The following RND3 variants were observed in gnomAD, a reference collection of about 807,000 sequenced individuals.
The protein encoded by RND3 is rho-related GTP-binding protein RhoE.
In RND3, 8 loss-of-function variants were observed where a neutral mutation model predicts 26.5. That is an observed-to-expected ratio of 0.30 (90% confidence interval 0.18 to 0.54). The LOEUF (loss-of-function observed/expected upper bound fraction) is 0.54, where lower values mean the gene tolerates loss of function less well. RND3 is among the 20% of genes least tolerant of loss of function. The pLI is 0.94. For synonymous variants in RND3, 113 were observed against 113.0 expected (o/e 1.00, Z 0.00); for missense variants, 207 against 302.8 (o/e 0.68, Z 2.35).
intron 4 of RND3, among the ~76,000 whole-genome samples, 175 bp downstream of exon 4, chr2:150,474,700 A>G (rs1267851056): frequency 6.6e-6 from 1 of 152,226 alleles, no homozygotes; most frequent in Non-Finnish European, 1.5e-5. Context: ...ATTTCAAGCA[A>G]GTTCATCATC....
chr2:150,474,728 T>G, intron 4 of RND3, 147 bp downstream of exon 4: 6 of 470,042 alleles, frequency 1.3e-5, no homozygotes, highest in East Asian at 3.4e-5. Context: ...GGAAACCCCA[T>G]TTTGGTGTGA....
In RND3 at chr2:150,474,935, A is replaced by T. The variant is rs758650254; in HGVS notation, c.288T>A (p.Asp96Glu). Residue 96 changes from aspartate to glutamate, a missense_variant, in exon 4 of 6, where the codon GAT becomes GAA. Physicochemically the swap from Asp to Glu is conservative, Grantham distance 45. Transcript: ENST00000263895. ...NVRPLSYPDSDAVLICFDISR... is the reference protein window; with the variant it reads ...NVRPLSYPDSEAVLICFDISR... ...TGATGTCAAAGCAAATCAGCACAGCATCCGAATCAGGGTAAGAGAGGGGGC... is the reference window on the plus strand; with the variant it reads ...TGATGTCAAAGCAAATCAGCACAGCTTCCGAATCAGGGTAAGAGAGGGGGC... 1 of 1,613,560 alleles carries T rather than the reference A, an allele frequency of 6.2e-7. No homozygotes were observed. Among genetic ancestry groups the T allele is most frequent in the African/African-American group, 1.3e-5 (1 of 74,908 alleles).
chr2:150,476,142 T>C (rs566459158), intron 3 of RND3, among the ~76,000 whole-genome samples: 44 of 152,040 alleles, frequency 2.9e-4, no homozygotes, highest in Non-Finnish European at 6.0e-4. Flanking sequence ...AAAAAGAAAA[T>C]CTAAACCACC....
At chr2:150,484,940 C>A (rs1331475672) in intron 3 of RND3, among the ~76,000 whole-genome samples, 1 of 152,166 alleles carries the variant, frequency 6.6e-6, no homozygotes, top group African/African-American at 2.4e-5. Flanking sequence ...TGCTTATTAT[C>A]GGTACCACAC....
chr2:150,484,196 C>T (rs1226777273), intron 3 of RND3, among the ~76,000 whole-genome samples: 1 of 152,214 alleles, frequency 6.6e-6, no homozygotes, highest in East Asian at 1.9e-4. Flanking sequence ...TATTGGATAA[C>T]TGCTGTATGC....
rs143592771 is a variant in RND3, at chr2:150,487,475, AT to A, written c.-38-21del. ...TTTTCTCTTAAGAAGAAAAAAAAAA[AT>A]ATATATATATATATATATTTCTCTC... On this transcript the variant is annotated intron_variant, in intron 1 of 5. Coordinates refer to ENST00000263895, the MANE Select transcript of RND3 (RefSeq NM_005168.5). 0.016 allele frequency: 2,686 copies of A among 169,196 alleles called. 37 individuals carry two copies. The highest frequency in any genetic ancestry group is 0.061 in the Middle Eastern group (40 of 656). 10.5% of individuals were successfully genotyped at this position (169,196 alleles called of 1,614,324 possible).
At chr2:150,471,049 C>T (rs1170466876) in intron 5 of RND3, among the ~76,000 whole-genome samples, 1 of 152,094 alleles carries the variant, frequency 6.6e-6, no homozygotes, top group South Asian at 2.1e-4. Context: ...TGCACATTAA[C>T]CAAAACTACT....
chr2:150,483,259 A>G (rs1686306728), intron 3 of RND3, among the ~76,000 whole-genome samples: 1 of 150,772 alleles, frequency 6.6e-6, no homozygotes, highest in Non-Finnish European at 1.5e-5. Flanking sequence ...AAGAGGCCAG[A>G]TAAGAGAGGA....
In RND3 at chr2:150,482,649, T is replaced by C. The variant is rs1019649835; in HGVS notation, c.238+4045A>G. Among the ~76,000 whole-genome samples the C allele has an allele frequency of 5.3e-4, 76 of 144,146 alleles. 3 individuals carry two copies. Among genetic ancestry groups the C allele is most frequent in the Non-Finnish European group, 3.0e-5 (2 of 66,926 alleles). 94.6% of individuals were successfully genotyped at this position (144,146 alleles called of 152,430 possible). A position where few individuals can be genotyped will look rare whatever the true frequency, so the allele number is the denominator to read the frequency against. ...TTTTGTTTACTTTTGTTGGGGGGGC[T>C]GGAGTACTGTAGCCCTAAGAATTGA... On this transcript the variant is annotated intron_variant, in intron 3 of 5. Transcript: ENST00000263895.
intron 4 of RND3, among the ~76,000 whole-genome samples, chr2:150,474,176 C>T (rs1032521732): frequency 6.6e-6 from 1 of 152,202 alleles, no homozygotes; most frequent in Non-Finnish European, 1.5e-5. Context: ...GTTCCTGTGA[C>T]CCATCCTGTA....
At position 150,470,060 on chromosome 2, in the gene RND3, G is replaced by T; in HGVS notation, c.662C>A (p.Pro221His). 6.2e-7 allele frequency: 1 copy of T among 1,614,058 alleles called. No homozygotes were observed. Among genetic ancestry groups the T allele is most frequent in the Non-Finnish European group, 8.5e-7 (1 of 1,179,960 alleles). ...QRATKRISHM[P>H]SRPELSAVAT... is the part of the protein sequence containing the mutation. ...AACTGCCGAGAGTTCTGGTCTGCTA[G>T]GCATGTGTGAAATCCGCTTTGTGGC... is the stretch of plus-strand genomic sequence containing the variant. The change falls in exon 6 of 6, where the codon CCT (proline) becomes CAT (histidine). Residue 221 changes from proline (P) to histidine (H), a missense_variant. Transcript: ENST00000263895.
chr2:150,478,104 T>G (rs553619761), intron 3 of RND3, among the ~76,000 whole-genome samples: 4 of 152,190 alleles, frequency 2.6e-5, no homozygotes, highest in African/African-American at 9.6e-5. Flanking sequence ...TCTCTATTTA[T>G]TCACAGTGAA....
Position 150,487,472 on chromosome 2 carries a change from A to ATATATAT in RND3, c.-38-18_-38-17insATATATA, listed in dbSNP as rs1395547619. The ATATATAT allele has an allele frequency of 2.3e-4, 81 of 344,926 alleles. 1 individual carries two copies. Among genetic ancestry groups the ATATATAT allele is most frequent in the African/African-American group, 1.5e-3 (41 of 27,790 alleles). The allele number at this position is 344,926 out of a possible 1,614,324, so 21.4% of individuals were successfully genotyped here. On this transcript the variant is annotated splice_polypyrimidine_tract_variant and intron_variant, in intron 1 of 5. Coordinates refer to ENST00000263895, the MANE Select transcript of RND3 (RefSeq NM_005168.5). ...GAATTTTCTCTTAAGAAGAAAAAAA[A>ATATATAT]AAATATATATATATATATATATTTC...
rs892934922 is a variant in RND3 at position 150,487,366 on chromosome 2, G to A, written c.52C>T (p.Pro18Ser). Residue 18 changes from proline to serine, a missense_variant, in exon 2 of 6, where the codon CCT becomes TCT. Transcript: ENST00000263895. ...ATCTTGCATTTCACGTTCTGATTAG[G>A]ATCCATGATAGATTTGCTGGATAAT... The part of the protein sequence containing the change: ...QKLSSKSIMD[P>S]NQNVKCKIVV... 3 of 1,576,790 alleles carry A rather than the reference G, an allele frequency of 1.9e-6. No individual in the cohort carries two copies. Among genetic ancestry groups the A allele is most frequent in the Non-Finnish European group, 2.6e-6 (3 of 1,160,186 alleles).
In RND3 at chr2:150,486,785, G is replaced by T. The variant is rs752864301; in HGVS notation, c.151-4C>A. On this transcript the variant is annotated splice_region_variant and splice_polypyrimidine_tract_variant and intron_variant, in intron 2 of 5. Transcript: ENST00000263895. The surrounding 1 kb of genome is among the most constrained non-coding windows in gnomAD (Gnocchi z 4.5). ...CAAACACTGTAGGAACGTAATTCTG[G>T]ATAGACAAAATGGGCAAAAGAGGAA... 2 of 1,606,784 alleles carry T rather than the reference G, an allele frequency of 1.2e-6. No homozygotes were observed. Among genetic ancestry groups the T allele is most frequent in the South Asian group, 2.2e-5 (2 of 90,942 alleles).
chr2:150,486,816 G>C lies in RND3; in HGVS notation c.151-35C>G. 2 of 1,422,782 alleles carry C rather than the reference G, an allele frequency of 1.4e-6. No individual in the cohort carries two copies. The highest frequency in any genetic ancestry group is 2.3e-5 in the South Asian group (2 of 87,164). The allele number at this position is 1,422,782 out of a possible 1,614,324, so 88.1% of individuals were successfully genotyped here. A position where few individuals can be genotyped will look rare whatever the true frequency, so the allele number is the denominator to read the frequency against. ...CAAAATGGGCAAAAGAGGAAGGAAA[G>C]AGGGCAAAGAGGTTACGTTTAAACG... On this transcript the variant is annotated intron_variant, in intron 2 of 5. Transcript: ENST00000263895. The surrounding 1 kb of genome is among the most constrained non-coding windows in gnomAD (Gnocchi z 4.5).
chr2:150,479,225 A>C (rs1573955463), intron 3 of RND3, among the ~76,000 whole-genome samples: 1 of 152,170 alleles, frequency 6.6e-6, no homozygotes, highest in African/African-American at 2.4e-5. Context: ...TTCCAGCCAA[A>C]GAATAGTCAC....
chr2:150,487,470 A>ATATATATATATATATAT lies in RND3; in HGVS notation c.-38-16_-38-15insATATATATATATATATA, dbSNP rs1236158055. 160 of 402,324 alleles carry ATATATATATATATATAT rather than the reference A, an allele frequency of 4.0e-4. No homozygotes were observed. The highest frequency in any genetic ancestry group is 3.9e-4 in the Admixed American group (5 of 12,728). The allele number at this position is 402,324 out of a possible 1,614,324, so 24.9% of individuals were successfully genotyped here. On this transcript the variant is annotated splice_polypyrimidine_tract_variant and intron_variant, in intron 1 of 5. Coordinates refer to ENST00000263895, the MANE Select transcript of RND3 (RefSeq NM_005168.5). Reference sequence around the variant, plus strand: ...AGGAATTTTCTCTTAAGAAGAAAAAAAAAAATATATATATATATATATATT... The same window carrying ATATATATATATATATAT: ...AGGAATTTTCTCTTAAGAAGAAAAAATATATATATATATATATAAAAATATATATATATATATATATT...
chr2:150,477,500 C>A lies in RND3; in HGVS notation c.239-2516G>T, dbSNP rs550413257. Among the ~76,000 whole-genome samples, 14 of 152,290 alleles carry A rather than the reference C, an allele frequency of 9.2e-5. No individual in the cohort carries two copies. In the South Asian group the frequency reaches 2.9e-3, roughly 32 times the overall value. On this transcript the variant is annotated intron_variant, in intron 3 of 5. Coordinates refer to ENST00000263895, the MANE Select transcript of RND3 (RefSeq NM_005168.5). ...CACCACATGACTGCTGGGAATACCC[C>A]TCCCCCCTTTGTGGACTATGTTTCC...
Sources: gnomAD v4.1 joint callset for allele counts (sites outside exome capture counted in the v4.1 genomes callset) on GRCh38, gnomAD v4.1.1 for gene constraint, Gnocchi (gnomAD v3.1) non-coding constraint, MANE v1.5 for transcripts, NCBI Gene and HGNC (gene_info 2026-07-23, HGNC 2026-07-21) for gene names.